Variants in KCNIP4 observed in about 807,000 individuals in gnomAD.
KCNIP4 encodes Kv channel-interacting protein 4.
A neutral mutation model predicts 34.0 loss-of-function variants in KCNIP4; 12 were observed. The observed-to-expected ratio is 0.35, with a 90% CI of 0.23 to 0.57. The LOEUF (loss-of-function observed/expected upper bound fraction) is 0.57. Among genes scored for constraint, KCNIP4 ranks in the 20% least tolerant of loss-of-function variants. KCNIP4 has a pLI of 0.83. For synonymous variants in KCNIP4, 124 were observed against 102.2 expected (o/e 1.21, Z -1.29); for missense variants, 238 against 311.7 (o/e 0.76, Z 1.78).
intron 1 of KCNIP4, among the ~76,000 whole-genome samples, chr4:21,321,803 A>AGTG (rs1714480770): frequency 1.4e-5 from 2 of 143,532 alleles, no homozygotes; most frequent in African/African-American, 2.6e-5. Context: ...GGAGGGAGGG[A>AGTG]GAAGAGGAGG....
At chr4:20,835,548 T>C (rs1304272231) in intron 3 of KCNIP4, among the ~76,000 whole-genome samples, 1 of 152,170 alleles carries the variant, frequency 6.6e-6, no homozygotes, top group South Asian at 2.1e-4. Flanking sequence ...GTTCATTATA[T>C]GCATTCAATG....
chr4:21,794,661 AG>A (rs965776362), intron 1 of KCNIP4, among the ~76,000 whole-genome samples: 3 of 152,146 alleles, frequency 2.0e-5, no homozygotes, highest in Admixed American at 6.5e-5. Context: ...AGGCCGAGGC[AG>A]GCAGGTTGCC....
intron 1 of KCNIP4, among the ~76,000 whole-genome samples, chr4:21,767,762 A>T (rs1221085095): frequency 6.6e-6 from 1 of 152,120 alleles, no homozygotes; most frequent in Non-Finnish European, 1.5e-5. Flanking sequence ...TTGATTCAGA[A>T]ATGGATTTAA....
intron 1 of KCNIP4, among the ~76,000 whole-genome samples, chr4:21,299,472 T>C (rs1764035547): frequency 2.0e-5 from 3 of 152,156 alleles, no homozygotes; most frequent in Non-Finnish European, 4.4e-5. Context: ...ATTCCCTTTA[T>C]TTCATTACTA....
chr4:21,030,633 G>C (rs1483528528), intron 1 of KCNIP4, among the ~76,000 whole-genome samples: 1 of 152,048 alleles, frequency 6.6e-6, no homozygotes, highest in Non-Finnish European at 1.5e-5. Context: ...CTTCAGAAAT[G>C]CTTTGTTTAA....
chr4:21,759,433 A>C (rs1418546019), intron 1 of KCNIP4, among the ~76,000 whole-genome samples: 1 of 152,222 alleles, frequency 6.6e-6, no homozygotes, highest in Non-Finnish European at 1.5e-5. Flanking sequence ...AAAGAAATGA[A>C]CATCTTCAAC....
intron 1 of KCNIP4, among the ~76,000 whole-genome samples, chr4:21,312,386 G>A (rs1024332885): frequency 3.3e-5 from 5 of 152,076 alleles, no homozygotes; most frequent in African/African-American, 1.2e-4. Context: ...AGAGACCCTG[G>A]ATCTCCATTT....
At chr4:21,098,061 T>G (rs1194887254) in intron 1 of KCNIP4, among the ~76,000 whole-genome samples, 2 of 152,106 alleles carry the variant, frequency 1.3e-5, no homozygotes, top group Non-Finnish European at 2.9e-5. Context: ...GGGTAAAAGT[T>G]CAAACTAGCC....
chr4:21,507,287 C>T, intron 1 of KCNIP4, among the ~76,000 whole-genome samples: 1 of 150,198 alleles, frequency 6.7e-6, no homozygotes, highest in Admixed American at 6.6e-5. Flanking sequence ...TTTTTTGAGA[C>T]AGAGTCTCAC....
intron 1 of KCNIP4, among the ~76,000 whole-genome samples, chr4:21,220,543 A>G (rs1009696071): frequency 6.6e-6 from 1 of 152,014 alleles, no homozygotes; most frequent in Non-Finnish European, 1.5e-5. Flanking sequence ...ATGTACCCTA[A>G]AACTTAAAGT....
chr4:21,555,484 T>A (rs1204605126), intron 1 of KCNIP4, among the ~76,000 whole-genome samples: 1 of 152,146 alleles, frequency 6.6e-6, no homozygotes, highest in African/African-American at 2.4e-5. Context: ...GAAATATTGA[T>A]TTTCTTGATT....
chr4:21,836,890 G>A (rs1241156148), intron 1 of KCNIP4, among the ~76,000 whole-genome samples: 4 of 150,012 alleles, frequency 2.7e-5, no homozygotes, highest in African/African-American at 9.8e-5. Flanking sequence ...CTGAAGTTGT[G>A]GAAGCTCAAA....
chr4:21,519,532 GTATGTGTATATACACATATGTGTGTA>G lies in KCNIP4; in HGVS notation c.61+429013_61+429038del, dbSNP rs1560479918. Among the ~76,000 whole-genome samples, 2 of 99,952 alleles carry G rather than the reference GTATGTGTATATACACATATGTGTGTA, an allele frequency of 2.0e-5. 1 individual carries two copies. Among genetic ancestry groups the G allele is most frequent in the Non-Finnish European group, 4.2e-5 (2 of 47,910 alleles). 65.6% of individuals were successfully genotyped at this position (99,952 alleles called of 152,430 possible). Reference sequence around the variant, plus strand: ...TGTATATACACATATGTGTGTATGTGTATGTGTATATACACATATGTGTGTATGTGTATATATACACATATGTGTGT... The same window carrying G: ...TGTATATACACATATGTGTGTATGTGTGTGTATATATACACATATGTGTGT... On this transcript the variant is annotated intron_variant, in intron 1 of 8. Transcript: ENST00000382152.
At chr4:20,737,708 C>T (rs1161250425) in intron 5 of KCNIP4, among the ~76,000 whole-genome samples, 1 of 152,174 alleles carries the variant, frequency 6.6e-6, no homozygotes, top group Non-Finnish European at 1.5e-5. Flanking sequence ...AGTAAGATGA[C>T]ATGCAAATTA....
intron 1 of KCNIP4, among the ~76,000 whole-genome samples, chr4:21,266,205 T>G (rs754191656): frequency 5.3e-5 from 8 of 152,192 alleles, no homozygotes; most frequent in Non-Finnish European, 1.0e-4. Context: ...TTATTTGAAC[T>G]CAGACATTCT....
chr4:21,824,798 A>G (rs536728378), intron 1 of KCNIP4, among the ~76,000 whole-genome samples: 4 of 152,246 alleles, frequency 2.6e-5, no homozygotes, highest in African/African-American at 9.6e-5. Flanking sequence ...TTGGGCTGTT[A>G]CACCAGATGC....
chr4:21,704,821 C>A (rs1398286153), intron 1 of KCNIP4, among the ~76,000 whole-genome samples: 4 of 152,034 alleles, frequency 2.6e-5, no homozygotes, highest in Non-Finnish European at 5.9e-5. Flanking sequence ...TCTTAAAATT[C>A]CGAACATACA....
chr4:21,645,236 G>C (rs1370597201), intron 1 of KCNIP4, among the ~76,000 whole-genome samples: 1 of 152,014 alleles, frequency 6.6e-6, no homozygotes, highest in Non-Finnish European at 1.5e-5. Flanking sequence ...TTTCTCCTAT[G>C]TTATAGATGC....
At chr4:20,807,136 C>T (rs907423101) in intron 3 of KCNIP4, among the ~76,000 whole-genome samples, 1 of 152,088 alleles carries the variant, frequency 6.6e-6, no homozygotes, top group African/African-American at 2.4e-5. Flanking sequence ...TGAAACCTTC[C>T]TTTGTAGAGT....
Sources: allele counts gnomAD v4.1 joint callset (sites outside exome capture counted in the v4.1 genomes callset), GRCh38; gene constraint gnomAD v4.1.1; transcripts MANE v1.5; gene names NCBI Gene and HGNC (gene_info 2026-07-23, HGNC 2026-07-21).